Variants in ZNF248 observed in about 807,000 individuals in gnomAD.
The protein encoded by ZNF248 is zinc finger protein 248.
Under a neutral mutation model 44.3 loss-of-function variants are expected in ZNF248, and 20 were observed. The ratio of observed to expected loss-of-function variants is 0.45; its 90% confidence interval spans 0.32 to 0.66. ZNF248 has a LOEUF of 0.66. Ranked by LOEUF, ZNF248 falls within the 30% of genes least tolerant of loss-of-function variation. ZNF248 has a pLI of 0.04. For synonymous variants in ZNF248, 224 were observed against 229.0 expected, an observed-to-expected ratio of 0.98 and a Z score of 0.20; for missense variants, 654 against 677.0, an observed-to-expected ratio of 0.97 and a Z score of 0.38.
the ZNF248 span, among the ~76,000 whole-genome samples, chr10:37,764,391 C>T: frequency 1.2e-4 from 18 of 152,236 alleles, no homozygotes; most frequent in Non-Finnish European, 2.4e-4. Flanking sequence ...AATGCGTGCC[C>T]GAAACTTCAT....
chr10:37,766,225 T>C, the ZNF248 span, among the ~76,000 whole-genome samples: 1 of 152,238 alleles, frequency 6.6e-6, no homozygotes, highest in Non-Finnish European at 1.5e-5. Context: ...CTCTGCAGAC[T>C]TAAATGTCCC....
chr10:37,848,308 G>C (rs9418298), intron 3 of ZNF248, among the ~76,000 whole-genome samples: 1 of 151,890 alleles, frequency 6.6e-6, no homozygotes, highest in Non-Finnish European at 1.5e-5. Context: ...ATACAGCCAG[G>C]CACAGTGGCT....
chr10:37,801,155 T>TAA (rs898931700), intron 6 of ZNF248, among the ~76,000 whole-genome samples: 3 of 151,928 alleles, frequency 2.0e-5, no homozygotes, highest in Admixed American at 6.6e-5. Flanking sequence ...GGCAGGCAGA[T>TAA]AATGAGGTCA....
chr10:37,832,386 A>C lies in ZNF248; in HGVS notation c.969T>G (p.Ile323Met), dbSNP rs747664702. 1.9e-6 allele frequency: 3 copies of C among 1,614,012 alleles called. No homozygotes were observed. In the African/African-American group the frequency reaches 4.0e-5, roughly 22 times the overall value. ...TGTCACTCACTTTATATTCACGGAG[A>C]ATCTTTCTTGTGTAAGCTCCCTGAT... is the stretch of plus-strand genomic sequence containing the variant. ...IIHQGAYTRK[I>M]LREYKVSDKT... The change falls in exon 6 of 6, where the codon ATT becomes ATG. Residue 323 changes from isoleucine (I) to methionine (M), a missense_variant. Ile to Met is a conservative substitution (Grantham distance 10). Transcript: ENST00000395867.
intron 6 of ZNF248, among the ~76,000 whole-genome samples, chr10:37,783,349 C>T (rs2047528376): frequency 6.6e-6 from 1 of 152,048 alleles, no homozygotes; most frequent in Admixed American, 6.5e-5. Flanking sequence ...CCTCTCATAC[C>T]ATATACACAA....
intron 6 of ZNF248, chr10:37,818,920 C>T: frequency 9.1e-7 from 1 of 1,100,246 alleles, no homozygotes; most frequent in Non-Finnish European, 1.4e-6. Flanking sequence ...GAAGATCACA[C>T]CCACCGACCA....
intron 3 of ZNF248, among the ~76,000 whole-genome samples, chr10:37,853,365 A>G (rs1389055239): frequency 6.6e-6 from 1 of 152,068 alleles, no homozygotes; most frequent in Non-Finnish European, 1.5e-5. Flanking sequence ...ACAATCCAGA[A>G]GTCATCGGAA....
At chr10:37,817,014 G>A (rs991145720) in intron 6 of ZNF248, among the ~76,000 whole-genome samples, 1 of 152,106 alleles carries the variant, frequency 6.6e-6, no homozygotes, top group Non-Finnish European at 1.5e-5. Flanking sequence ...CTGGGTGGAA[G>A]GGAGTCCGGG....
At chr10:37,784,841 T>C (rs2047698242) in intron 6 of ZNF248, among the ~76,000 whole-genome samples, 1 of 151,950 alleles carries the variant, frequency 6.6e-6, no homozygotes, top group African/African-American at 2.4e-5. Context: ...TTGGTAGAGG[T>C]TGAGAGAAAA....
chr10:37,829,434 T>A lies in ZNF248; in HGVS notation c.*2181A>T. On this transcript the variant is annotated 3_prime_UTR_variant, in exon 6 of 6. Transcript: ENST00000395867. ...GCTGATACAAACAGCCATCCCTATA[T>A]TAACTTGTGAAAAGAAATAATTCTT... The A allele has an allele frequency of 1.0e-6, 1 of 985,432 alleles. No homozygotes were observed. The highest frequency in any genetic ancestry group is 1.2e-6 in the Non-Finnish European group (1 of 829,926). 61.0% of individuals were successfully genotyped at this position (985,432 alleles called of 1,614,324 possible). A position where few individuals can be genotyped will look rare whatever the true frequency, so the allele number is the denominator to read the frequency against.
chr10:37,844,133 A>G (rs1255401901), intron 3 of ZNF248, among the ~76,000 whole-genome samples: 1 of 152,210 alleles, frequency 6.6e-6, no homozygotes, highest in Non-Finnish European at 1.5e-5. Context: ...TCAAACTATC[A>G]AAAGCCAAAT....
rs1236725905 is a variant in ZNF248, at chr10:37,833,064, ATCT to A, written c.288_290del (p.Glu96del). On this transcript the variant is annotated inframe_deletion, in exon 6 of 6. Coordinates refer to ENST00000395867, the MANE Select transcript of ZNF248 (RefSeq NM_021045.3). ...GGAATAGAAGCTCCCAAAAATGGTC[ATCT>A]TCATTTTCCTGGCTGCTCTCTAACA... 2 of 1,610,536 alleles carry A rather than the reference ATCT, an allele frequency of 1.2e-6. No homozygotes were observed. Among genetic ancestry groups the A allele is most frequent in the Middle Eastern group, 1.7e-4 (1 of 6,034 alleles).
At chr10:37,772,979 G>C (rs1037440708), downstream of ZNF248, among the ~76,000 whole-genome samples, 5 of 152,160 alleles carry the variant, frequency 3.3e-5, no homozygotes, top group Admixed American at 3.3e-4. Context: ...AACTGAAGAC[G>C]TGACTATCAA....
chr10:37,777,277 A>C (rs1406689199), intron 6 of ZNF248, among the ~76,000 whole-genome samples: 1 of 152,188 alleles, frequency 6.6e-6, no homozygotes, highest in South Asian at 2.1e-4. Context: ...AAACAGCTGA[A>C]CTTCACCAGC....
chr10:37,854,664 C>G (rs558787576), intron 3 of ZNF248, among the ~76,000 whole-genome samples: 2 of 152,240 alleles, frequency 1.3e-5, no homozygotes, highest in Non-Finnish European at 2.9e-5. Flanking sequence ...GGCATTCCCA[C>G]TAAGCTGATC....
At chr10:37,802,588 G>GA (rs1214948256) in intron 6 of ZNF248, among the ~76,000 whole-genome samples, 1 of 152,012 alleles carries the variant, frequency 6.6e-6, no homozygotes. Flanking sequence ...ATACAGAAAA[G>GA]AAAAACTGCG....
At chr10:37,772,131 G>A (rs1486070428), downstream of ZNF248, among the ~76,000 whole-genome samples, 1 of 152,082 alleles carries the variant, frequency 6.6e-6, no homozygotes, top group East Asian at 1.9e-4. Context: ...CAGGCGTGGT[G>A]GCATGCACCT....
the ZNF248 span, among the ~76,000 whole-genome samples, chr10:37,763,380 T>A: frequency 1.3e-5 from 2 of 152,194 alleles, no homozygotes; most frequent in African/African-American, 4.8e-5. Flanking sequence ...GCGAGTGATC[T>A]CCCTAAGCAA....
At chr10:37,855,307 C>G (rs1222561016) in intron 3 of ZNF248, among the ~76,000 whole-genome samples, 1 of 152,016 alleles carries the variant, frequency 6.6e-6, no homozygotes. Flanking sequence ...GTCACCCTAC[C>G]TGGAGAAACT....
Sources: allele counts gnomAD v4.1 joint callset (sites outside exome capture counted in the v4.1 genomes callset), GRCh38; gene constraint gnomAD v4.1.1; transcripts MANE v1.5; gene names NCBI Gene and HGNC (gene_info 2026-07-23, HGNC 2026-07-21).